Variants in GSE1 observed in about 807,000 individuals in gnomAD.
GSE1 encodes genetic suppressor element 1.
GSE1 carries 32 observed loss-of-function variants against 112.6 expected under a neutral mutation model. The observed-to-expected ratio is 0.28, with a 90% confidence interval of 0.21 to 0.38. GSE1 has a LOEUF of 0.38. Among genes scored for constraint, GSE1 ranks in the 10% least tolerant of loss-of-function variants. GSE1 has a pLI of 1.00. For missense variants in GSE1, 2,348 were observed against 1,699.2 expected, an observed-to-expected ratio of 1.38 and a Z score of -6.71; for synonymous variants, 1,115 against 735.6, an observed-to-expected ratio of 1.52 and a Z score of -8.35.
At chr16:85,536,773 C>T (rs980067198) in intron 2 of GSE1, among the ~76,000 whole-genome samples, 1 of 152,148 alleles carries the variant, frequency 6.6e-6, no homozygotes, top group African/African-American at 2.4e-5. Flanking sequence ...AAGAGGTGCC[C>T]GGGGCCTCCT....
At chr16:85,635,545 T>C (rs980194097) in intron 2 of GSE1, among the ~76,000 whole-genome samples, 4 of 152,258 alleles carry the variant, frequency 2.6e-5, no homozygotes, top group African/African-American at 7.2e-5. Context: ...GGACAGACCC[T>C]GGGAGGAAGC....
Position 85,596,396 on chromosome 16 carries a change from C to T in GSE1, c.37+40033C>T, listed in dbSNP as rs966357618. 5.3e-5 allele frequency among the ~76,000 whole-genome samples: 8 copies of T among 152,176 alleles called. No individual in the cohort carries two copies. In the East Asian group the frequency reaches 7.7e-4, roughly 15 times the overall value. Reference sequence around the variant, plus strand: ...TCAGAGAGACTCCCATGACAGCAGCCGGGCACCTGGCTCACTGTGTTCATC... The same window carrying T: ...TCAGAGAGACTCCCATGACAGCAGCTGGGCACCTGGCTCACTGTGTTCATC... On this transcript the variant is annotated intron_variant, in intron 1 of 2. Coordinates refer to the GSE1 transcript ENST00000635906.
At chr16:85,272,349 G>A (rs993475163) in intron 1 of GSE1, among the ~76,000 whole-genome samples, 1 of 152,250 alleles carries the variant, frequency 6.6e-6, no homozygotes, top group African/African-American at 2.4e-5. Flanking sequence ...CATCCCTGGA[G>A]TGATTCTTTG....
chr16:85,335,336 C>G (rs770293529), intron 1 of GSE1, among the ~76,000 whole-genome samples: 1 of 152,262 alleles, frequency 6.6e-6, no homozygotes, highest in Non-Finnish European at 1.5e-5. Context: ...GGTGGAGGGC[C>G]GTACTGTCTT....
intron 2 of GSE1, among the ~76,000 whole-genome samples, chr16:85,548,583 T>G (rs1475239759): frequency 1.3e-5 from 2 of 152,206 alleles, no homozygotes; most frequent in African/African-American, 4.8e-5. Context: ...GGTTTCATTC[T>G]TTTTTACGGG....
At chr16:85,338,245 G>T (rs749952343) in intron 1 of GSE1, among the ~76,000 whole-genome samples, 16 of 152,184 alleles carry the variant, frequency 1.1e-4, no homozygotes, top group Non-Finnish European at 2.4e-4. Context: ...CTCCAGATGC[G>T]CCTTTTTCCG....
At chr16:85,253,180 C>A (rs1906701607) in intron 1 of GSE1, among the ~76,000 whole-genome samples, 1 of 151,014 alleles carries the variant, frequency 6.6e-6, no homozygotes, top group South Asian at 2.1e-4. Context: ...CGGGAGGAGG[C>A]AGGAGGAGCA....
At chr16:85,178,406 C>A (rs1014598786) in intron 1 of GSE1, among the ~76,000 whole-genome samples, 1 of 151,936 alleles carries the variant, frequency 6.6e-6, no homozygotes, top group Non-Finnish European at 1.5e-5. Flanking sequence ...GCATTCCCGG[C>A]GGTGTTTGGA....
At chr16:85,613,055 G>C (rs1201384255), upstream of GSE1, 1 of 437,258 alleles carries the variant, frequency 2.3e-6, no homozygotes, top group Non-Finnish European at 3.8e-6. Context: ...GGCCGGGCCG[G>C]GGAGGGGCGT....
At chr16:85,569,072 A>C (rs2045875854) in intron 1 of GSE1, among the ~76,000 whole-genome samples, 1 of 152,132 alleles carries the variant, frequency 6.6e-6, no homozygotes, top group African/African-American at 2.4e-5. Context: ...CCCAAATTCA[A>C]GCCTTCTTGA....
chr16:85,552,536 G>C (rs1002361373), upstream of GSE1, among the ~76,000 whole-genome samples: 20 of 138,498 alleles, frequency 1.4e-4, no homozygotes, highest in East Asian at 3.7e-3. Context: ...GTTTCACCGT[G>C]TTAGCCAGGA....
rs767322416 is a variant in GSE1, at chr16:85,663,043, C to T, written c.2323C>T (p.Leu775Phe). 1.4e-5 allele frequency: 23 copies of T among 1,613,294 alleles called. No individual in the cohort carries two copies. The highest frequency in any genetic ancestry group is 1.7e-5 in the Non-Finnish European group (20 of 1,179,844). ...CGATGAGGAGGAGGTCAGGGCCCAC[C>T]TCCGTTGCGTGGCCGAGCAGCCGCC... ...ESDEEEVRAH[L>F]RCVAEQPPLK... The change falls in exon 10 of 16, where the codon CTC becomes TTC. Residue 775 changes from leucine (L) to phenylalanine (F), a missense_variant. Leu to Phe is a conservative substitution (Grantham distance 22). Transcript: ENST00000253458.
intron 2 of GSE1, among the ~76,000 whole-genome samples, chr16:85,485,723 G>A (rs1252799499): frequency 1.3e-5 from 2 of 152,226 alleles, no homozygotes; most frequent in Admixed American, 6.5e-5. Context: ...CAGTGTGCCC[G>A]TAATTGTTCC....
chr16:85,565,413 A>C lies in GSE1; in HGVS notation c.37+9050A>C, dbSNP rs1381568754. Among the ~76,000 whole-genome samples, 1,008 of 151,490 alleles carry C rather than the reference A, an allele frequency of 6.7e-3. 22 individuals carry two copies. Among genetic ancestry groups the C allele is most frequent in the African/African-American group, 0.023 (963 of 41,074 alleles). ...CTGTCTCAAAAAAAAAAACAAAAAA[A>C]AACAAAAAAACCACCAACCAACCCC... On this transcript the variant is annotated intron_variant, in intron 1 of 2. Coordinates refer to the GSE1 transcript ENST00000635906.
intron 1 of GSE1, among the ~76,000 whole-genome samples, chr16:85,221,019 G>A (rs2075382166): frequency 6.6e-6 from 1 of 151,470 alleles, no homozygotes; most frequent in Non-Finnish European, 1.5e-5. Flanking sequence ...CCTTTGTGGG[G>A]ATTCAGCGTC....
intron 2 of GSE1, among the ~76,000 whole-genome samples, chr16:85,456,578 C>CTGTG (rs1567501870): frequency 8.9e-5 from 6 of 67,662 alleles, no homozygotes; most frequent in African/African-American, 3.0e-4. Context: ...CATTTTCCTG[C>CTGTG]CGTGTGTGTG....
At chr16:85,572,748 C>G (rs1006948263) in intron 1 of GSE1, among the ~76,000 whole-genome samples, 1 of 152,192 alleles carries the variant, frequency 6.6e-6, no homozygotes, top group Non-Finnish European at 1.5e-5. Flanking sequence ...AGGACCTCAT[C>G]CGGGAAAGGG....
rs138832563 is a variant in GSE1, at chr16:85,565,828, C to T, written c.37+9465C>T. On this transcript the variant is annotated intron_variant, in intron 1 of 2. Transcript: ENST00000635906. The stretch of plus-strand genomic sequence containing the variant: ...AGCAGGAGGGACCCTGGGTCTCGGC[C>T]ATGCTCCAGGAGGAGTTGGGTCCCG... 1.8e-3 allele frequency among the ~76,000 whole-genome samples: 272 copies of T among 152,338 alleles called. 2 individuals are homozygous for T. The highest frequency in any genetic ancestry group is 5.9e-3 in the African/African-American group (246 of 41,580).
chr16:85,459,015 G>A (rs188189120), intron 2 of GSE1, among the ~76,000 whole-genome samples: 7 of 152,292 alleles, frequency 4.6e-5, no homozygotes, highest in East Asian at 1.9e-4. Flanking sequence ...GGCCGCTTTC[G>A]CTCCTGCCAC....
Sources: gnomAD v4.1 joint callset for allele counts (sites outside exome capture counted in the v4.1 genomes callset) on GRCh38, gnomAD v4.1.1 for gene constraint, MANE v1.5 for transcripts, NCBI Gene and HGNC (gene_info 2026-07-23, HGNC 2026-07-21) for gene names.